Variants in SGCD observed in about 807,000 individuals in gnomAD.
SGCD encodes the protein sarcoglycan delta.
A neutral mutation model predicts 36.6 loss-of-function variants in SGCD; 18 were observed. The observed-to-expected ratio is 0.49, with a 90% CI of 0.34 to 0.73. The LOEUF is 0.73. Ranked by LOEUF, SGCD falls within the 30% of genes least tolerant of loss-of-function variation. The pLI, the probability that SGCD is intolerant of heterozygous loss-of-function variation, is 0.01. For synonymous variants in SGCD, 133 were observed against 130.6 expected, an observed-to-expected ratio of 1.02 and a Z score of -0.12; for missense variants, 387 against 346.7, an observed-to-expected ratio of 1.12 and a Z score of -0.92.
intron 3 of SGCD, among the ~76,000 whole-genome samples, chr5:156,394,980 T>G (rs1475426393): frequency 3.3e-5 from 5 of 152,262 alleles, no homozygotes; most frequent in Admixed American, 6.5e-5. Context: ...ATCCGTGTAT[T>G]GAAAAATCAC....
At chr5:156,254,756 A>G (rs1765672043) in intron 3 of SGCD, among the ~76,000 whole-genome samples, 2 of 152,166 alleles carry the variant, frequency 1.3e-5, no homozygotes, top group African/African-American at 4.8e-5. Context: ...CTGATGTGGG[A>G]GAATCTCTTG....
chr5:156,471,133 A>G (rs1754944699), intron 3 of SGCD, among the ~76,000 whole-genome samples: 2 of 152,334 alleles, frequency 1.3e-5, no homozygotes. Context: ...AATGGAGAAG[A>G]GACTATTCTC....
At chr5:156,720,223 G>A (rs530124308) in intron 7 of SGCD, among the ~76,000 whole-genome samples, 1 of 152,312 alleles carries the variant, frequency 6.6e-6, no homozygotes, top group Non-Finnish European at 1.5e-5. Context: ...ATGGGGAAAG[G>A]AGATGCAACA....
In SGCD at chr5:156,310,477, A is replaced by C. The variant is rs10078276; in HGVS notation, c.-43-19057A>C. ...CCATGAACATCCCGCCAGTGTGCTG[A>C]GTAGTCAGGGGATGGGTAGCTGCTA... On this transcript the variant is annotated intron_variant, in intron 3 of 9. Transcript: ENST00000517913. 3.7e-3 allele frequency among the ~76,000 whole-genome samples: 570 copies of C among 152,328 alleles called. 3 individuals are homozygous for C. The highest frequency in any genetic ancestry group is 0.013 in the African/African-American group (545 of 41,584).
intron 3 of SGCD, among the ~76,000 whole-genome samples, chr5:156,462,773 GT>G (rs1754542580): frequency 6.6e-6 from 1 of 151,918 alleles, no homozygotes; most frequent in East Asian, 1.9e-4. Context: ...TTTACATTAG[GT>G]TGGTACAAAA....
At chr5:156,471,822 C>T (rs1268206863) in intron 3 of SGCD, among the ~76,000 whole-genome samples, 1 of 151,842 alleles carries the variant, frequency 6.6e-6, no homozygotes, top group Admixed American at 6.6e-5. Context: ...CATCAAAAGA[C>T]ACCATTAAGA....
intron 3 of SGCD, among the ~76,000 whole-genome samples, chr5:156,128,277 A>G (rs560187107): frequency 7.9e-5 from 12 of 152,320 alleles, no homozygotes; most frequent in African/African-American, 2.9e-4. Context: ...GTTCTCATAC[A>G]TTACTGGTAG....
intron 1 of SGCD, among the ~76,000 whole-genome samples, chr5:156,027,766 C>T (rs1348356104): frequency 6.6e-6 from 1 of 152,158 alleles, no homozygotes; most frequent in Non-Finnish European, 1.5e-5. Context: ...TCTACTGCTA[C>T]TTAATATTAA....
At chr5:155,959,195 G>A (rs1393581636) in intron 1 of SGCD, among the ~76,000 whole-genome samples, 2 of 152,142 alleles carry the variant, frequency 1.3e-5, no homozygotes, top group African/African-American at 4.8e-5. Flanking sequence ...ACATAGCTTA[G>A]CACATTAATA....
chr5:156,723,050 GAGT>G (rs1262446828), intron 7 of SGCD, among the ~76,000 whole-genome samples: 1 of 152,192 alleles, frequency 6.6e-6, no homozygotes, highest in Non-Finnish European at 1.5e-5. Flanking sequence ...GTGAAGTTCT[GAGT>G]AGTCCTTTGC....
At chr5:156,307,967 T>TA (rs151055091) in intron 3 of SGCD, among the ~76,000 whole-genome samples, 8 of 152,040 alleles carry the variant, frequency 5.3e-5, no homozygotes, top group African/African-American at 1.7e-4. Context: ...ACTAATTTTT[T>TA]AAAAAAATAT....
At chr5:156,292,677 T>C (rs896931545) in intron 3 of SGCD, among the ~76,000 whole-genome samples, 1 of 152,128 alleles carries the variant, frequency 6.6e-6, no homozygotes, top group African/African-American at 2.4e-5. Flanking sequence ...TAAACCACCA[T>C]ACTATTTTCC....
At chr5:156,164,246 T>A (rs1380630029) in intron 3 of SGCD, among the ~76,000 whole-genome samples, 1 of 151,494 alleles carries the variant, frequency 6.6e-6, no homozygotes, top group Admixed American at 6.6e-5. Flanking sequence ...CTGAGAGTCA[T>A]TTTTGGACTT....
intron 3 of SGCD, among the ~76,000 whole-genome samples, chr5:156,273,218 C>T (rs1766225536): frequency 2.0e-5 from 3 of 152,190 alleles, no homozygotes; most frequent in African/African-American, 4.8e-5. Context: ...CCCAGGGCCC[C>T]TCTCTTCCCT....
rs933568176 is a variant in SGCD at position 156,078,518 on chromosome 5, A to T, written c.-281-39360A>T. On this transcript the variant is annotated intron_variant, in intron 1 of 9. Transcript: ENST00000517913. Reference sequence around the variant, plus strand: ...ACAAAGTAAGACTGTCTCAAAAAAAAAAATATATATATATATATATTTATT... The same window carrying T: ...ACAAAGTAAGACTGTCTCAAAAAAATAAATATATATATATATATATTTATT... Among the ~76,000 whole-genome samples, 1,020 of 120,250 alleles carry T rather than the reference A, an allele frequency of 8.5e-3. 16 individuals are homozygous for T. The highest frequency in any genetic ancestry group is 0.031 in the African/African-American group (944 of 30,842). 78.9% of individuals were successfully genotyped at this position (120,250 alleles called of 152,430 possible). A position where few individuals can be genotyped will look rare whatever the true frequency, so the allele number is the denominator to read the frequency against.
intron 7 of SGCD, among the ~76,000 whole-genome samples, chr5:156,715,141 A>T (rs917875115): frequency 6.6e-6 from 1 of 152,226 alleles, no homozygotes; most frequent in Non-Finnish European, 1.5e-5. Flanking sequence ...CTGGTCAGTC[A>T]TCATATGGCT....
chr5:156,492,659 C>T (rs1187257400), intron 3 of SGCD, among the ~76,000 whole-genome samples: 1 of 152,054 alleles, frequency 6.6e-6, no homozygotes, highest in Admixed American at 6.6e-5. Flanking sequence ...TGGTTTGCTG[C>T]ACCCATCAAC....
rs1052351511 is a variant in SGCD, at chr5:156,660,355, C to G, written c.575+12819C>G. Among the ~76,000 whole-genome samples, 3 of 152,396 alleles carry G rather than the reference C, an allele frequency of 2.0e-5. No homozygotes were observed. The South Asian group carries it at 6.2e-4, about 32-fold the overall frequency. ...ACCCATACACTATCATTAACATATA[C>G]TTCTATAGGATTATCCATCCATGTG... On this transcript the variant is annotated intron_variant, in intron 7 of 8. Coordinates refer to ENST00000337851, the MANE Select transcript of SGCD (RefSeq NM_000337.6).
At chr5:156,160,015 G>A (rs1581137515) in intron 3 of SGCD, among the ~76,000 whole-genome samples, 2 of 151,676 alleles carry the variant, frequency 1.3e-5, no homozygotes, top group African/African-American at 2.4e-5. Flanking sequence ...ACAAAGAAAT[G>A]TGTTCTTTAG....
Sources: gnomAD v4.1 joint callset for allele counts (sites outside exome capture counted in the v4.1 genomes callset) on GRCh38, gnomAD v4.1.1 for gene constraint, MANE v1.5 for transcripts, NCBI Gene and HGNC (gene_info 2026-07-23, HGNC 2026-07-21) for gene names.